C9orf85: variants seen among roughly 807,000 people sequenced by gnomAD.
The protein encoded by C9orf85 is uncharacterized protein C9orf85.
In C9orf85, 16 loss-of-function variants were observed where a neutral mutation model predicts 14.9. The observed-to-expected ratio is 1.08, with a 90% CI of 0.73 to 1.63. The LOEUF (loss-of-function observed/expected upper bound fraction) is 1.63, where lower values mean the gene tolerates loss of function less well. Ranked by LOEUF, C9orf85 falls within the 40% of genes most tolerant of loss-of-function variation. C9orf85 has a pLI of 0.00. For synonymous variants in C9orf85, 45 were observed against 56.8 expected (o/e 0.79, Z 0.93); for missense variants, 172 against 186.1 (o/e 0.92, Z 0.44).
At chr9:71,913,159 G>GCC in intron 1 of C9orf85, among the ~76,000 whole-genome samples, 1 of 152,246 alleles carries the variant, frequency 6.6e-6, no homozygotes. Context: ...ATGCATAAAT[G>GCC]GCCTAGGTCA....
At chr9:71,963,657 C>T (rs377244843) in intron 2 of C9orf85, among the ~76,000 whole-genome samples, 63 of 152,204 alleles carry the variant, frequency 4.1e-4, no homozygotes, top group African/African-American at 1.2e-3. Flanking sequence ...CCTGCCGCCC[C>T]GGGCAATGAG....
At chr9:71,939,611 C>T (rs1057310893) in intron 1 of C9orf85, among the ~76,000 whole-genome samples, 5 of 151,972 alleles carry the variant, frequency 3.3e-5, no homozygotes, top group Non-Finnish European at 7.4e-5. Context: ...AATCAACAAA[C>T]AGATTCTAAA....
intron 2 of C9orf85, among the ~76,000 whole-genome samples, chr9:71,951,048 A>G (rs986813203): frequency 2.0e-5 from 3 of 152,176 alleles, no homozygotes; most frequent in Non-Finnish European, 4.4e-5. Context: ...TGTTTCAACC[A>G]TGGGAAACAA....
chr9:71,942,689 G>A (rs1220794876), intron 1 of C9orf85, among the ~76,000 whole-genome samples: 1 of 152,178 alleles, frequency 6.6e-6, no homozygotes, highest in Non-Finnish European at 1.5e-5. Flanking sequence ...GATCACTTGA[G>A]GTCAGGAGTT....
At chr9:71,985,895 T>C (rs898252509), downstream of C9orf85, 1 of 152,254 alleles carries the variant, frequency 6.6e-6, no homozygotes, top group African/African-American at 2.4e-5. Context: ...TCTTAGCTTC[T>C]GATAAGAGAT....
rs1827493352 is a variant in C9orf85, at chr9:71,911,755, C to A, written c.21C>A (p.Asn7Lys). Reference protein sequence around the residue: MSSQKGNVARSRPQKHQ... With the variant: MSSQKGKVARSRPQKHQ... ...CGGCGATGAGCTCCCAGAAAGGCAA[C>A]GTGGCTCGTTCCAGACCTCAGAAGC... The change falls in exon 1 of 4, where the codon AAC becomes AAA. Residue 7 changes from asparagine (N) to lysine (K), a missense_variant. Coordinates refer to ENST00000334731, the MANE Select transcript of C9orf85 (RefSeq NM_182505.5). 6.2e-7 allele frequency: 1 copy of A among 1,614,056 alleles called. No individual in the cohort carries two copies. Among genetic ancestry groups the A allele is most frequent in the Admixed American group, 1.7e-5 (1 of 60,008 alleles).
At chr9:71,945,329 T>G (rs1822057011) in intron 1 of C9orf85, among the ~76,000 whole-genome samples, 1 of 152,214 alleles carries the variant, frequency 6.6e-6, no homozygotes, top group Non-Finnish European at 1.5e-5. Context: ...AAGAGTTTGG[T>G]GTGTAGGCAC....
chr9:71,962,034 C>T (rs1822535125), intron 2 of C9orf85, among the ~76,000 whole-genome samples: 1 of 152,060 alleles, frequency 6.6e-6, no homozygotes, highest in Non-Finnish European at 1.5e-5. Context: ...GGCGTGGTGA[C>T]GTGCTCCTGT....
chr9:71,922,777 A>G (rs1426665605), intron 1 of C9orf85, among the ~76,000 whole-genome samples: 1 of 152,186 alleles, frequency 6.6e-6, no homozygotes, highest in Admixed American at 6.5e-5. Flanking sequence ...TCAGAAGTCT[A>G]CCCTCATGGT....
At position 71,914,057 on chromosome 9, in the gene C9orf85, G is replaced by C. The variant is rs556047312; in HGVS notation, c.102+2221G>C. Among the ~76,000 whole-genome samples the C allele has an allele frequency of 1.2e-3, 182 of 152,242 alleles. 1 individual carries two copies. The highest frequency in any genetic ancestry group is 0.01 in the Middle Eastern group (3 of 294). ...TCTGTGTAATGAATAGCTAATAATT[G>C]TCTGTGATCATAACAGATTCTTGCA... is the stretch of plus-strand genomic sequence containing the variant. On this transcript the variant is annotated intron_variant, in intron 1 of 3. Transcript: ENST00000334731.
In C9orf85 at chr9:71,957,834, T is replaced by G. The variant is rs533555297; in HGVS notation, c.209+10722T>G. ...CCATGAGCCATGATACAGCATCACT[T>G]CCACAAATAAGGATTAGGAATGGCA... On this transcript the variant is annotated intron_variant, in intron 2 of 3. Coordinates refer to ENST00000334731, the MANE Select transcript of C9orf85 (RefSeq NM_182505.5). 5.9e-5 allele frequency among the ~76,000 whole-genome samples: 9 copies of G among 152,262 alleles called. No homozygotes were observed. The East Asian group carries it at 1.7e-3, about 29-fold the overall frequency.
chr9:71,919,945 G>C (rs1011315475), intron 1 of C9orf85, among the ~76,000 whole-genome samples: 5 of 151,808 alleles, frequency 3.3e-5, no homozygotes, highest in Non-Finnish European at 7.4e-5. Flanking sequence ...CACCTCCTGG[G>C]TTCAAGCACT....
intron 2 of C9orf85, among the ~76,000 whole-genome samples, chr9:71,964,233 C>T (rs1011363212): frequency 2.0e-5 from 3 of 152,078 alleles, no homozygotes; most frequent in Non-Finnish European, 2.9e-5. Flanking sequence ...CACCAGTCAG[C>T]GCCCTGTCAA....
intron 1 of C9orf85, among the ~76,000 whole-genome samples, chr9:71,917,690 A>G (rs758055763): frequency 3.3e-5 from 5 of 152,244 alleles, no homozygotes; most frequent in Non-Finnish European, 7.3e-5. Flanking sequence ...GGAGGGAAAC[A>G]AACCAGATAC....
intron 1 of C9orf85, among the ~76,000 whole-genome samples, chr9:71,923,559 C>T (rs1378356665): frequency 2.6e-5 from 4 of 152,150 alleles, no homozygotes; most frequent in Admixed American, 2.0e-4. Context: ...TGAGACACGG[C>T]GCCCAGCCCT....
At chr9:71,985,323 C>A (rs891459088), downstream of C9orf85, 1 of 152,236 alleles carries the variant, frequency 6.6e-6, no homozygotes, top group Non-Finnish European at 1.5e-5. Context: ...GACTCCATGA[C>A]TCCAGCAAAT....
intron 1 of C9orf85, chr9:71,918,673 C>G: frequency 3.7e-6 from 1 of 273,662 alleles, no homozygotes; most frequent in South Asian, 3.2e-5. Flanking sequence ...AGTGTGAACC[C>G]TATTGTGAAC....
intron 1 of C9orf85, among the ~76,000 whole-genome samples, chr9:71,944,880 A>G (rs544376627): frequency 3.3e-5 from 5 of 152,280 alleles, no homozygotes; most frequent in African/African-American, 9.6e-5. Flanking sequence ...CAACATATCT[A>G]TTTATACTGC....
At chr9:71,972,323 G>A (rs1407170102) in intron 3 of C9orf85, among the ~76,000 whole-genome samples, 2 of 151,844 alleles carry the variant, frequency 1.3e-5, no homozygotes, top group African/African-American at 2.4e-5. Context: ...GCAATGGCAC[G>A]ATCTTGGCTC....
Sources: gnomAD v4.1 joint callset for allele counts (sites outside exome capture counted in the v4.1 genomes callset) on GRCh38, gnomAD v4.1.1 for gene constraint, MANE v1.5 for transcripts, NCBI Gene and HGNC (gene_info 2026-07-23, HGNC 2026-07-21) for gene names.